Variants in ROBO2 observed in about 807,000 individuals in gnomAD.
The protein encoded by ROBO2 is roundabout guidance receptor 2.
In ROBO2, 53 loss-of-function variants were observed where a neutral mutation model predicts 160.8. That is an observed-to-expected ratio of 0.33 (90% CI 0.26 to 0.41). ROBO2 has a LOEUF of 0.41. Ranked by LOEUF, ROBO2 falls within the 10% of genes least tolerant of loss-of-function variation. ROBO2 has a pLI of 1.00. For synonymous variants in ROBO2, 664 were observed against 611.7 expected (o/e 1.09, Z -1.26); for missense variants, 1,577 against 1,722.4 (o/e 0.92, Z 1.49).
chr3:77,468,089 G>A (rs536963747), intron 2 of ROBO2, among the ~76,000 whole-genome samples: 4 of 152,288 alleles, frequency 2.6e-5, no homozygotes, highest in African/African-American at 9.6e-5. Context: ...AGACAGCAAT[G>A]CCACGTGAAC....
chr3:75,919,002 C>T (rs1946921414), intron 1 of ROBO2, among the ~76,000 whole-genome samples: 1 of 152,088 alleles, frequency 6.6e-6, no homozygotes, highest in African/African-American at 2.4e-5. Flanking sequence ...ATTTGATTTC[C>T]TCTCTTCCTA....
chr3:76,983,568 A>G (rs1235695489), intron 2 of ROBO2, among the ~76,000 whole-genome samples: 1 of 152,162 alleles, frequency 6.6e-6, no homozygotes, highest in Non-Finnish European at 1.5e-5. Context: ...TGGAATAGGA[A>G]TTTATGTTGG....
intron 2 of ROBO2, among the ~76,000 whole-genome samples, chr3:76,530,183 G>T (rs546814191): frequency 1.1e-4 from 16 of 152,282 alleles, no homozygotes; most frequent in African/African-American, 3.8e-4. Flanking sequence ...CGTGTACACA[G>T]GGCTACATGT....
At chr3:76,134,277 T>TC (rs2071344508) in intron 2 of ROBO2, among the ~76,000 whole-genome samples, 1 of 141,588 alleles carries the variant, frequency 7.1e-6, no homozygotes, top group Admixed American at 7.4e-5. Flanking sequence ...ACTTTTTTTT[T>TC]CTCTCTCTCT....
intron 2 of ROBO2, among the ~76,000 whole-genome samples, chr3:75,959,982 T>C (rs1241435842): frequency 6.6e-6 from 1 of 151,792 alleles, no homozygotes; most frequent in Admixed American, 6.6e-5. Context: ...GTCTGATATA[T>C]TGATAAACAG....
chr3:77,127,035 C>G (rs1055326012), intron 2 of ROBO2, among the ~76,000 whole-genome samples: 1 of 151,102 alleles, frequency 6.6e-6, no homozygotes, highest in Non-Finnish European at 1.5e-5. Context: ...ATGATCCGCC[C>G]GCCTTGGCCT....
At chr3:77,028,706 G>A (rs767436939) in intron 2 of ROBO2, among the ~76,000 whole-genome samples, 1 of 152,074 alleles carries the variant, frequency 6.6e-6, no homozygotes, top group Non-Finnish European at 1.5e-5. Context: ...GTGACAGAGC[G>A]AGACTCCGTC....
intron 2 of ROBO2, among the ~76,000 whole-genome samples, chr3:76,639,464 TCA>T (rs34047566): frequency 0.31 from 46,699 of 148,770 alleles, 7,426 homozygotes; most frequent in South Asian, 0.41. Flanking sequence ...CTACACTCTC[TCA>T]CACACACACA....
intron 2 of ROBO2, among the ~76,000 whole-genome samples, chr3:76,845,408 C>T (rs904383470): frequency 6.6e-6 from 1 of 151,924 alleles, no homozygotes; most frequent in East Asian, 1.9e-4. Flanking sequence ...ATCTAAAATT[C>T]ACTATATATT....
Position 76,415,684 on chromosome 3 carries a change from T to G in ROBO2, c.109+478082T>G, listed in dbSNP as rs1042068588. Among the ~76,000 whole-genome samples the G allele has an allele frequency of 2.6e-5, 4 of 152,276 alleles. No homozygotes were observed. In the South Asian group the frequency reaches 8.3e-4, roughly 32 times the overall value. ...CTAATCGATGAAAAATGGACTACAT[T>G]TCTTATAGCTGCTCCTTATAAATAT... is the stretch of plus-strand genomic sequence containing the variant. On this transcript the variant is annotated intron_variant, in intron 2 of 26. Transcript: ENST00000487694.
chr3:76,227,295 A>T (rs908756242), intron 2 of ROBO2, among the ~76,000 whole-genome samples: 25 of 152,184 alleles, frequency 1.6e-4, no homozygotes, highest in African/African-American at 5.5e-4. Flanking sequence ...ACCAAATGTA[A>T]GGGCACAGTA....
intron 2 of ROBO2, among the ~76,000 whole-genome samples, chr3:75,981,031 A>G (rs1366698145): frequency 1.3e-5 from 2 of 151,584 alleles, no homozygotes; most frequent in African/African-American, 4.8e-5. Flanking sequence ...TTATATAATA[A>G]CATTACAACT....
chr3:76,305,979 G>C (rs749832094), intron 2 of ROBO2, among the ~76,000 whole-genome samples: 1 of 152,066 alleles, frequency 6.6e-6, no homozygotes, highest in Non-Finnish European at 1.5e-5. Flanking sequence ...CCTGTGCATC[G>C]CAGGGTGTGT....
At chr3:76,323,176 C>CA (rs1559763162) in intron 2 of ROBO2, among the ~76,000 whole-genome samples, 7 of 143,882 alleles carry the variant, frequency 4.9e-5, no homozygotes, top group African/African-American at 1.4e-4. Context: ...CACACACACA[C>CA]CCCTAAAGGC....
intron 2 of ROBO2, among the ~76,000 whole-genome samples, chr3:77,388,304 C>T (rs1352429540): frequency 6.6e-6 from 1 of 152,136 alleles, no homozygotes; most frequent in African/African-American, 2.4e-5. Context: ...GTCCCAATTA[C>T]TCAGGAGGCT....
chr3:76,744,682 C>T (rs571471638), intron 2 of ROBO2, among the ~76,000 whole-genome samples: 10 of 152,152 alleles, frequency 6.6e-5, no homozygotes, highest in Non-Finnish European at 1.3e-4. Context: ...GCTTTTGAGG[C>T]CTCCTTGGCT....
intron 2 of ROBO2, among the ~76,000 whole-genome samples, chr3:76,606,142 A>T (rs1198087920): frequency 5.3e-5 from 8 of 151,464 alleles, no homozygotes; most frequent in Non-Finnish European, 8.9e-5. Flanking sequence ...TTTCTTAATT[A>T]AAAAAAAATA....
Position 76,880,049 on chromosome 3 carries a change from G to A in ROBO2, c.110-217965G>A, listed in dbSNP as rs369666932. On this transcript the variant is annotated intron_variant, in intron 2 of 26. Transcript: ENST00000487694. The stretch of plus-strand genomic sequence containing the variant: ...TACATGTTTTCCAAGGGCCTTTATG[G>A]TCATACATAATTCATGAATCCTTAT... Among the ~76,000 whole-genome samples the A allele has an allele frequency of 3.2e-4, 48 of 152,166 alleles. No homozygotes were observed. In the South Asian group the frequency reaches 9.7e-3, roughly 31 times the overall value.
intron 2 of ROBO2, among the ~76,000 whole-genome samples, chr3:76,309,830 G>A (rs2071492905): frequency 6.6e-6 from 1 of 151,972 alleles, no homozygotes; most frequent in African/African-American, 2.4e-5. Context: ...AATTATTATT[G>A]TTACTATTAT....
Sources: gnomAD v4.1 joint callset for allele counts (sites outside exome capture counted in the v4.1 genomes callset) on GRCh38, gnomAD v4.1.1 for gene constraint, MANE v1.5 for transcripts, NCBI Gene and HGNC (gene_info 2026-07-23, HGNC 2026-07-21) for gene names.